CCSER1: variants seen among roughly 807,000 people sequenced by gnomAD.
The protein encoded by CCSER1 is serine-rich coiled-coil domain-containing protein 1.
In CCSER1, 41 loss-of-function variants were observed where a neutral mutation model predicts 82.0. That is an observed-to-expected ratio of 0.50 (90% CI 0.39 to 0.65). The LOEUF is 0.65. Ranked by LOEUF, CCSER1 falls within the 30% of genes least tolerant of loss-of-function variation. CCSER1 has a pLI of 0.00. For synonymous variants in CCSER1, 414 were observed against 383.9 expected (o/e 1.08, Z -0.92); for missense variants, 1,119 against 1,064.2 (o/e 1.05, Z -0.72).
intron 10 of CCSER1, among the ~76,000 whole-genome samples, chr4:91,309,151 CTT>C (rs1338968623): frequency 6.6e-6 from 1 of 151,968 alleles, no homozygotes; most frequent in Admixed American, 6.6e-5. Context: ...TATTTTAAAT[CTT>C]GTCCGTCCTT....
chr4:91,110,845 C>CT (rs923483638), intron 10 of CCSER1, among the ~76,000 whole-genome samples: 17 of 150,800 alleles, frequency 1.1e-4, no homozygotes, highest in South Asian at 8.6e-4. Flanking sequence ...ATTCATTCTT[C>CT]TTTTTTTTCC....
intron 6 of CCSER1, among the ~76,000 whole-genome samples, chr4:90,714,721 T>A (rs1215745686): frequency 6.6e-6 from 1 of 151,938 alleles, no homozygotes; most frequent in African/African-American, 2.4e-5. Context: ...GAAACTGCAG[T>A]TTTCTAAAAT....
intron 10 of CCSER1, among the ~76,000 whole-genome samples, chr4:91,345,091 T>C (rs1578231121): frequency 6.6e-6 from 1 of 152,066 alleles, no homozygotes. Flanking sequence ...CCTGGAGTTG[T>C]TGAAAATCTT....
intron 1 of CCSER1, among the ~76,000 whole-genome samples, chr4:90,149,714 C>G (rs1726450694): frequency 6.6e-6 from 1 of 152,034 alleles, no homozygotes; most frequent in African/African-American, 2.4e-5. Flanking sequence ...AAATCAGAAA[C>G]AGACTTGTTC....
intron 3 of CCSER1, among the ~76,000 whole-genome samples, chr4:90,345,353 A>C (rs78963528): frequency 1.1e-3 from 163 of 152,176 alleles, no homozygotes; most frequent in African/African-American, 3.8e-3. Flanking sequence ...GGAATTGAAA[A>C]ATTTTAAGAA....
chr4:90,728,188 C>G (rs1580178167), intron 7 of CCSER1, among the ~76,000 whole-genome samples: 1 of 152,282 alleles, frequency 6.6e-6, no homozygotes, highest in East Asian at 1.9e-4. Flanking sequence ...CAAGGTATGG[C>G]CACATTCCCA....
chr4:91,571,212 C>T (rs1380211917), intron 10 of CCSER1, among the ~76,000 whole-genome samples: 2 of 152,212 alleles, frequency 1.3e-5, no homozygotes, highest in South Asian at 2.1e-4. Context: ...GTCTTCTGAG[C>T]CCTCCAACTT....
chr4:90,267,539 G>A (rs938881246), intron 1 of CCSER1, among the ~76,000 whole-genome samples: 3 of 152,126 alleles, frequency 2.0e-5, no homozygotes, highest in African/African-American at 4.8e-5. Flanking sequence ...AAAAGACCCA[G>A]TGCTATTCTG....
intron 8 of CCSER1, among the ~76,000 whole-genome samples, chr4:90,898,712 C>T (rs1314858505): frequency 1.3e-5 from 2 of 151,866 alleles, no homozygotes; most frequent in Non-Finnish European, 2.9e-5. Context: ...GAGTACTTTC[C>T]CCATTGTTTA....
chr4:90,442,673 G>GTTTTGACGATGTGCTGACA (rs1197540329), intron 4 of CCSER1, among the ~76,000 whole-genome samples: 1 of 152,186 alleles, frequency 6.6e-6, no homozygotes, highest in Non-Finnish European at 1.5e-5. Flanking sequence ...GTGCTGATAA[G>GTTTTGACGATGTGCTGACA]TGAGCCCTTG....
intron 10 of CCSER1, among the ~76,000 whole-genome samples, chr4:91,235,373 A>G (rs1447391187): frequency 6.6e-6 from 1 of 152,058 alleles, no homozygotes; most frequent in Admixed American, 6.6e-5. Context: ...CTAAAGTTAT[A>G]TTTTTTAATG....
chr4:90,892,641 C>G (rs1288303243), intron 8 of CCSER1, among the ~76,000 whole-genome samples: 1 of 151,846 alleles, frequency 6.6e-6, no homozygotes, highest in African/African-American at 2.4e-5. Context: ...CCTGGACTTC[C>G]TAATTCAATT....
chr4:91,199,310 G>C (rs1421817195), intron 10 of CCSER1, among the ~76,000 whole-genome samples: 1 of 151,926 alleles, frequency 6.6e-6, no homozygotes, highest in Non-Finnish European at 1.5e-5. Context: ...CAGTTAAAAA[G>C]AAATGTCCGT....
intron 7 of CCSER1, among the ~76,000 whole-genome samples, chr4:90,761,189 C>A (rs1173413532): frequency 6.6e-6 from 1 of 152,016 alleles, no homozygotes; most frequent in Non-Finnish European, 1.5e-5. Flanking sequence ...CTATTAGACT[C>A]CCTACCCTCA....
At chr4:91,303,812 CAACAACAA>C (rs1417122316) in intron 10 of CCSER1, among the ~76,000 whole-genome samples, 2 of 151,634 alleles carry the variant, frequency 1.3e-5, no homozygotes, top group African/African-American at 2.4e-5. Context: ...AAACAAACAA[CAACAACAA>C]AACAACAAAA....
chr4:90,671,935 T>C (rs1265765202), intron 6 of CCSER1, among the ~76,000 whole-genome samples: 2 of 152,032 alleles, frequency 1.3e-5, no homozygotes, highest in Admixed American at 6.6e-5. Flanking sequence ...GATAACTAGA[T>C]GCATTGTTCA....
chr4:91,375,314 G>A (rs144090815), intron 10 of CCSER1, among the ~76,000 whole-genome samples: 2,099 of 152,268 alleles, frequency 0.014, 28 homozygotes, highest in South Asian at 0.046. Flanking sequence ...TCTTGTGATG[G>A]CACGAAACAT....
chr4:90,609,875 A>C (rs1175750230), intron 5 of CCSER1, among the ~76,000 whole-genome samples: 1 of 152,140 alleles, frequency 6.6e-6, no homozygotes, highest in Admixed American at 6.5e-5. Flanking sequence ...TTTACTCCTT[A>C]CTTGGGTGAC....
chr4:90,932,304 C>T (rs371818173), intron 9 of CCSER1, among the ~76,000 whole-genome samples: 1 of 152,046 alleles, frequency 6.6e-6, no homozygotes, highest in Non-Finnish European at 1.5e-5. Flanking sequence ...TTTATGAGTT[C>T]TCTGTTTATA....
Sources: allele counts gnomAD v4.1 joint callset (sites outside exome capture counted in the v4.1 genomes callset), GRCh38; gene constraint gnomAD v4.1.1; transcripts MANE v1.5; gene names NCBI Gene and HGNC (gene_info 2026-07-23, HGNC 2026-07-21).